Variants in DOP1A observed in about 807,000 individuals in gnomAD.
The protein encoded by DOP1A is DOP1 leucine zipper like protein A.
In DOP1A, 90 loss-of-function variants were observed where a neutral mutation model predicts 267.6. The ratio of observed to expected loss-of-function variants is 0.34; its 90% CI spans 0.28 to 0.40. The LOEUF (loss-of-function observed/expected upper bound fraction) is 0.40. DOP1A is among the 10% of genes least tolerant of loss of function. The pLI is 1.00. For missense variants in DOP1A, 2,437 were observed against 2,900.4 expected, an observed-to-expected ratio of 0.84 and a Z score of 3.67; for synonymous variants, 932 against 999.1, an observed-to-expected ratio of 0.93 and a Z score of 1.27.
chr6:83,071,713 TAAAA>T (rs931203951), intron 1 of DOP1A, among the ~76,000 whole-genome samples: 3 of 152,118 alleles, frequency 2.0e-5, no homozygotes, highest in African/African-American at 7.2e-5. Flanking sequence ...AAAAATATAG[TAAAA>T]AAAGTTACTT....
chr6:83,102,025 A>G (rs1260767913), intron 4 of DOP1A, among the ~76,000 whole-genome samples: 1 of 152,178 alleles, frequency 6.6e-6, no homozygotes. Context: ...TATCTTCTAT[A>G]TGCTGACTCC....
intron 1 of DOP1A, among the ~76,000 whole-genome samples, chr6:83,084,469 T>C (rs569891167): frequency 2.0e-4 from 31 of 152,314 alleles, no homozygotes; most frequent in African/African-American, 7.0e-4. Context: ...GTACATAAAG[T>C]ATAATAAAAC....
chr6:83,162,702 T>G, intron 37 of DOP1A, 88 bp from the exon 38 acceptor site: 1 of 1,407,906 alleles, frequency 7.1e-7, no homozygotes. Flanking sequence ...AGCAGTGGGG[T>G]CATGATCTTT....
At chr6:83,144,364 A>G (rs1168021460) in intron 24 of DOP1A, among the ~76,000 whole-genome samples, 6 of 152,286 alleles carry the variant, frequency 3.9e-5, no homozygotes, top group Non-Finnish European at 7.4e-5. Context: ...TCTCAAGGAA[A>G]AAAGAGAAGA....
At chr6:83,078,565 A>G (rs1408335979) in intron 1 of DOP1A, among the ~76,000 whole-genome samples, 1 of 152,230 alleles carries the variant, frequency 6.6e-6, no homozygotes, top group East Asian at 1.9e-4. Context: ...AAACTTGTGT[A>G]ATTAGGAAGA....
In DOP1A at chr6:83,104,539, G is replaced by A. The variant is rs186574356; in HGVS notation, c.320+3653G>A. On this transcript the variant is annotated intron_variant, in intron 4 of 38. Coordinates refer to ENST00000349129, the MANE Select transcript of DOP1A (RefSeq NM_015018.4). ...ATATGTTAACTTTCAAATTGTTCTC[G>A]TATTCTGTTCTCTGGAACAGTTCTC... Among the ~76,000 whole-genome samples, 528 of 151,834 alleles carry A rather than the reference G, an allele frequency of 3.5e-3. 2 individuals carry two copies. The highest frequency in any genetic ancestry group is 5.7e-3 in the Non-Finnish European group (386 of 67,900).
chr6:83,094,410 A>G (rs1771064747), intron 1 of DOP1A, among the ~76,000 whole-genome samples: 1 of 152,216 alleles, frequency 6.6e-6, no homozygotes, highest in African/African-American at 2.4e-5. Context: ...TCTTGTGTCT[A>G]CACCATACGT....
At chr6:83,100,632 T>A (rs1772400460) in intron 3 of DOP1A, 73 bp from the exon 4 acceptor site, 5 of 1,078,646 alleles carry the variant, frequency 4.6e-6, no homozygotes, top group Non-Finnish European at 6.3e-6. Context: ...TTTATAATAC[T>A]ATGCTAGAAA....
downstream of DOP1A, chr6:83,170,585 A>G: frequency 1.2e-6 from 1 of 854,040 alleles, no homozygotes; most frequent in Non-Finnish European, 1.8e-6. Context: ...ATAAAATTAC[A>G]TTAAAACTTC....
chr6:83,099,680 A>ACGTGTG (rs1483912698), intron 3 of DOP1A, among the ~76,000 whole-genome samples: 96 of 138,992 alleles, frequency 6.9e-4, no homozygotes, highest in African/African-American at 2.4e-3. Context: ...AGGATTGCAT[A>ACGTGTG]TGTGTGTGTG....
intron 10 of DOP1A, 148 bp from the exon 11 acceptor site, chr6:83,121,782 A>G: frequency 1.4e-6 from 1 of 735,716 alleles, no homozygotes; most frequent in Non-Finnish European, 2.1e-6. Flanking sequence ...TACCTTCTCA[A>G]AGAAGTGTGA....
chr6:83,156,143 G>A (rs770790433), intron 34 of DOP1A, 40 bp downstream of exon 34: 2 of 1,540,056 alleles, frequency 1.3e-6, no homozygotes, highest in African/African-American at 2.8e-5. Context: ...TCTAACTACA[G>A]GTTTTTGGTT....
intron 24 of DOP1A, among the ~76,000 whole-genome samples, chr6:83,144,577 A>C (rs776772803): frequency 1.7e-4 from 26 of 152,198 alleles, no homozygotes; most frequent in Non-Finnish European, 3.1e-4. Context: ...AACCAAAAAT[A>C]ATCATGTGAA....
At chr6:83,093,184 T>A (rs1030516075) in intron 1 of DOP1A, among the ~76,000 whole-genome samples, 2 of 152,250 alleles carry the variant, frequency 1.3e-5, no homozygotes, top group Non-Finnish European at 2.9e-5. Context: ...GTCAGGGATG[T>A]TCTCTCTAGT....
At chr6:83,095,844 T>C (rs1013075728) in intron 1 of DOP1A, among the ~76,000 whole-genome samples, 1 of 152,126 alleles carries the variant, frequency 6.6e-6, no homozygotes, top group Non-Finnish European at 1.5e-5. Context: ...CATGGCTGTA[T>C]AGAAAGCTTC....
intron 15 of DOP1A, among the ~76,000 whole-genome samples, chr6:83,127,817 C>T (rs572932828): frequency 1.3e-5 from 2 of 152,178 alleles, no homozygotes; most frequent in Admixed American, 6.5e-5. Flanking sequence ...GTTATTTTGC[C>T]ATGTGCTTTA....
At chr6:83,162,661 G>T in intron 37 of DOP1A, 129 bp from the exon 38 acceptor site, 1 of 1,013,094 alleles carries the variant, frequency 9.9e-7, no homozygotes. Context: ...ACAAGGCTAC[G>T]AGTGGCACAT....
intron 5 of DOP1A, 78 bp from the exon 6 acceptor site, chr6:83,110,047 T>C: frequency 5.5e-6 from 8 of 1,447,970 alleles, no homozygotes; most frequent in Non-Finnish European, 3.7e-6. Context: ...TTGCATACAT[T>C]TTTGGAAAAG....
chr6:83,103,872 C>A (rs1390777540), intron 4 of DOP1A, among the ~76,000 whole-genome samples: 2 of 152,110 alleles, frequency 1.3e-5, no homozygotes, highest in African/African-American at 4.8e-5. Context: ...TCTTGTCAAC[C>A]CAGCAAGTTC....
Sources: allele counts gnomAD v4.1 joint callset (sites outside exome capture counted in the v4.1 genomes callset), GRCh38; gene constraint gnomAD v4.1.1; transcripts MANE v1.5; gene names NCBI Gene and HGNC (gene_info 2026-07-23, HGNC 2026-07-21).